ATP2B4: variants seen among roughly 807,000 people sequenced by gnomAD.
ATP2B4 encodes plasma membrane calcium-transporting ATPase 4.
ATP2B4 carries 39 observed loss-of-function variants against 110.3 expected under a neutral mutation model. The observed-to-expected ratio is 0.35, with a 90% CI of 0.27 to 0.46. The LOEUF (loss-of-function observed/expected upper bound fraction) is 0.46. Ranked by LOEUF, ATP2B4 falls within the 20% of genes least tolerant of loss-of-function variation. ATP2B4 has a pLI of 1.00. For missense variants in ATP2B4, 1,135 were observed against 1,530.9 expected (o/e 0.74, Z 4.32); for synonymous variants, 538 against 571.7 (o/e 0.94, Z 0.84).
intron 1 of ATP2B4, among the ~76,000 whole-genome samples, chr1:203,640,429 C>G (rs774444211): frequency 6.6e-6 from 1 of 152,140 alleles, no homozygotes; most frequent in Admixed American, 6.6e-5. Flanking sequence ...GTGATTCTCC[C>G]ACCTCAGCCT....
chr1:203,703,532 A>G, intron 7 of ATP2B4, 120 bp from the exon 8 acceptor site: 1 of 1,172,014 alleles, frequency 8.5e-7, no homozygotes, highest in Non-Finnish European at 1.2e-6. Context: ...GTCGGAACTG[A>G]TGTCAGGGTC....
intron 2 of ATP2B4, among the ~76,000 whole-genome samples, chr1:203,690,053 C>T (rs1558035335): frequency 1.3e-5 from 2 of 152,134 alleles, no homozygotes; most frequent in African/African-American, 4.8e-5. Flanking sequence ...GCTGAGATTC[C>T]TTGGGGAGTA....
chr1:203,679,785 G>A (rs1664943214), intron 1 of ATP2B4, among the ~76,000 whole-genome samples: 1 of 152,152 alleles, frequency 6.6e-6, no homozygotes, highest in Admixed American at 6.5e-5. Context: ...GGGAGACTGA[G>A]GCAGGAGAAT....
chr1:203,707,236 C>T lies in ATP2B4; in HGVS notation c.1314+13C>T, dbSNP rs1665875333. The T allele has an allele frequency of 1.9e-6, 3 of 1,605,280 alleles. No homozygotes were observed. Among genetic ancestry groups the T allele is most frequent in the Non-Finnish European group, 2.6e-6 (3 of 1,173,304 alleles). ...CTACTCTGTGAAGGTGAGACTAGAA[C>T]AATCCTATCTCTTCCTTTAGGATAG... On this transcript the variant is annotated intron_variant, in intron 9 of 20. Transcript: ENST00000357681.
rs1470403054 is a variant in ATP2B4, at chr1:203,722,662, T to C, written c.2997T>C (p.Ser999=). The C allele has an allele frequency of 1.2e-6, 2 of 1,614,228 alleles. No homozygotes were observed. The highest frequency in any genetic ancestry group is 1.7e-6 in the Non-Finnish European group (2 of 1,180,032). Residue 999 remains serine, a synonymous_variant, in exon 18 of 21, where the codon TCT becomes TCC. Coordinates refer to ENST00000357681, the MANE Select transcript of ATP2B4 (RefSeq NM_001684.5). ...TCTACCGCAACATTATCTTCTGCTC[T>C]GTAGTCTTGGGCACATTCATCTGCC... ...SGIYRNIIFC[S]VVLGTFICQI...
intron 1 of ATP2B4, among the ~76,000 whole-genome samples, chr1:203,643,396 A>G (rs1663691106): frequency 1.3e-5 from 2 of 152,186 alleles, no homozygotes; most frequent in Non-Finnish European, 2.9e-5. Flanking sequence ...TGCTATCACT[A>G]TTTGGTCACC....
intron 20 of ATP2B4, chr1:203,729,469 CG>C: frequency 2.7e-6 from 1 of 364,074 alleles, no homozygotes; most frequent in African/African-American, 2.2e-5. Flanking sequence ...CGCTTGAACC[CG>C]GAAGGCTGAG....
chr1:203,721,510 C>T lies in ATP2B4; in HGVS notation c.2812+100C>T, dbSNP rs374590364. ...AGCAAGTGCACAGGTCAGGAATAAG[C>T]GCAGCTTCACCTCCCAGTGCTTGCT... On this transcript the variant is annotated intron_variant, in intron 17 of 20. Transcript: ENST00000357681. 130 of 1,211,734 alleles carry T rather than the reference C, an allele frequency of 1.1e-4. No individual in the cohort carries two copies. In the East Asian group the frequency reaches 1.9e-3, roughly 17 times the overall value. The allele number at this position is 1,211,734 out of a possible 1,614,324, so 75.1% of individuals were successfully genotyped here.
intron 20 of ATP2B4, among the ~76,000 whole-genome samples, chr1:203,738,329 G>A (rs1453229004): frequency 6.6e-6 from 1 of 152,094 alleles, no homozygotes; most frequent in East Asian, 1.9e-4. Context: ...CCACGCCTCA[G>A]AGAGACCTGC....
chr1:203,703,619 T>G lies in ATP2B4; in HGVS notation c.938-33T>G, dbSNP rs537893117. 3.1e-6 allele frequency: 5 copies of G among 1,604,628 alleles called. No homozygotes were observed. In the Admixed American group the frequency reaches 8.5e-5, roughly 27 times the overall value. On this transcript the variant is annotated intron_variant, in intron 7 of 20. Transcript: ENST00000357681. ...TGCCACTCAGTGCTACCACCTTGCC[T>G]GCTCACCTGTCCTATTTGTGTGTAC...
chr1:203,661,818 A>T (rs1479204773), intron 1 of ATP2B4, among the ~76,000 whole-genome samples: 1 of 150,492 alleles, frequency 6.6e-6, no homozygotes, highest in Non-Finnish European at 1.5e-5. Context: ...CCTGTGCCCC[A>T]CTGGCCTCCA....
chr1:203,733,383 C>G (rs1350522593), intron 20 of ATP2B4: 1 of 1,613,822 alleles, frequency 6.2e-7, no homozygotes. Flanking sequence ...CCTGCTGTTT[C>G]ATCTCCTCCT....
At chr1:203,734,353 G>C (rs754713035) in intron 20 of ATP2B4, among the ~76,000 whole-genome samples, 3 of 151,886 alleles carry the variant, frequency 2.0e-5, no homozygotes, top group Non-Finnish European at 4.4e-5. Flanking sequence ...AAGTAGTTCA[G>C]TTCAAATGTA....
intron 8 of ATP2B4, among the ~76,000 whole-genome samples, chr1:203,706,065 G>T (rs1296228570): frequency 6.6e-6 from 1 of 152,112 alleles, no homozygotes; most frequent in East Asian, 1.9e-4. Flanking sequence ...CCACAGTTAG[G>T]GACAGTTGTC....
intron 6 of ATP2B4, 58 bp from the exon 7 acceptor site, chr1:203,701,986 G>A (rs1665705652): frequency 1.9e-6 from 3 of 1,598,612 alleles, no homozygotes; most frequent in Non-Finnish European, 2.6e-6. Flanking sequence ...CAACAAATTG[G>A]ATCTCTTAAT....
Position 203,741,938 on chromosome 1 carries a change from C to A in ATP2B4, c.*2084C>A, listed in dbSNP as rs1046766197. Reference sequence around the variant, plus strand: ...ATCATTTTAAATAGCAAGCCAATAACGAGCTTTGAAGGCTATTTTACCATT... The same window carrying A: ...ATCATTTTAAATAGCAAGCCAATAAAGAGCTTTGAAGGCTATTTTACCATT... On this transcript the variant is annotated 3_prime_UTR_variant, in exon 21 of 21. Coordinates refer to ENST00000357681, the MANE Select transcript of ATP2B4 (RefSeq NM_001684.5). 3 of 152,566 alleles carry A rather than the reference C, an allele frequency of 2.0e-5. No individual in the cohort carries two copies. The highest frequency in any genetic ancestry group is 4.4e-5 in the Non-Finnish European group (3 of 68,030). 9.5% of individuals were successfully genotyped at this position (152,566 alleles called of 1,614,324 possible). A position where few individuals can be genotyped will look rare whatever the true frequency, so the allele number is the denominator to read the frequency against.
intron 1 of ATP2B4, among the ~76,000 whole-genome samples, chr1:203,681,618 C>A (rs1355661682): frequency 6.6e-6 from 1 of 152,110 alleles, no homozygotes; most frequent in African/African-American, 2.4e-5. Flanking sequence ...TGAGAAGGGG[C>A]CTCAGGATAA....
intron 3 of ATP2B4, 126 bp from the exon 4 acceptor site, chr1:203,699,334 C>CAGTTGT: frequency 1.6e-6 from 2 of 1,273,746 alleles, no homozygotes; most frequent in South Asian, 1.5e-5. Context: ...TTCCAGCCAA[C>CAGTTGT]AGTTGTATTT....
Position 203,708,240 on chromosome 1 carries a change from A to G in ATP2B4, c.1557+136A>G, listed in dbSNP as rs1404843961. 3.7e-6 allele frequency: 5 copies of G among 1,334,290 alleles called. No homozygotes were observed. In the African/African-American group the frequency reaches 4.3e-5, roughly 12 times the overall value. 82.7% of individuals were successfully genotyped at this position (1,334,290 alleles called of 1,614,324 possible). On this transcript the variant is annotated intron_variant, in intron 10 of 20. Transcript: ENST00000357681. The stretch of plus-strand genomic sequence containing the variant: ...TCCCATTTCTCACGCTGGAGTGAAC[A>G]TGTTTGGGTGAGACTACAGAAAAAT...
Sources: allele counts gnomAD v4.1 joint callset (sites outside exome capture counted in the v4.1 genomes callset), GRCh38; gene constraint gnomAD v4.1.1; transcripts MANE v1.5; gene names NCBI Gene and HGNC (gene_info 2026-07-23, HGNC 2026-07-21).